The following MACROD2 variants were observed in gnomAD, a reference collection of about 807,000 sequenced individuals.
The protein encoded by MACROD2 is ADP-ribose glycohydrolase MACROD2.
Under a neutral mutation model 70.4 loss-of-function variants are expected in MACROD2, and 36 were observed. That is an observed-to-expected ratio of 0.51 (90% CI 0.39 to 0.68). The LOEUF (loss-of-function observed/expected upper bound fraction) is 0.68, where lower values mean the gene tolerates loss of function less well. Ranked by LOEUF, MACROD2 falls within the 30% of genes least tolerant of loss-of-function variation. MACROD2 has a pLI of 0.00. For synonymous variants in MACROD2, 172 were observed against 178.8 expected (o/e 0.96, Z 0.30); for missense variants, 496 against 538.4 (o/e 0.92, Z 0.78).
At chr20:14,973,544 T>C (rs931353829) in intron 5 of MACROD2, among the ~76,000 whole-genome samples, 1 of 151,916 alleles carries the variant, frequency 6.6e-6, no homozygotes, top group Non-Finnish European at 1.5e-5. Context: ...TTTTATGGAG[T>C]GGCAGAGGAA....
chr20:15,772,095 A>AT (rs1262093098), intron 8 of MACROD2, among the ~76,000 whole-genome samples: 20 of 94,292 alleles, frequency 2.1e-4, no homozygotes, highest in South Asian at 1.4e-3. Context: ...AAAAAAAAAA[A>AT]AAAAAAATAT....
intron 3 of MACROD2, among the ~76,000 whole-genome samples, chr20:14,398,341 G>C (rs2083601978): frequency 6.7e-6 from 1 of 150,300 alleles, no homozygotes; most frequent in Non-Finnish European, 1.5e-5. Context: ...TTCTATAATG[G>C]CCATACTAAT....
intron 3 of MACROD2, among the ~76,000 whole-genome samples, chr20:14,238,221 C>T (rs1340456913): frequency 6.6e-6 from 1 of 152,122 alleles, no homozygotes; most frequent in East Asian, 1.9e-4. Context: ...GGCTGTATCC[C>T]TGGGATGCAA....
rs11474711 is a variant in MACROD2, at chr20:14,786,204, TAGAG to T, written c.418+101275_418+101278del. 2.3e-3 allele frequency among the ~76,000 whole-genome samples: 312 copies of T among 135,510 alleles called. 2 individuals carry two copies. Among genetic ancestry groups the T allele is most frequent in the South Asian group, 7.6e-3 (31 of 4,058 alleles). The allele number at this position is 135,510 out of a possible 152,430, so 88.9% of individuals were successfully genotyped here. ...AGTGTTTGGTTCACTCAGAGAAAGA[TAGAG>T]AGAGAGAGAGAGAGAGAGAGAGAGA... On this transcript the variant is annotated intron_variant, in intron 5 of 17. Coordinates refer to ENST00000684519, the MANE Select transcript of MACROD2 (RefSeq NM_001351661.2).
At chr20:14,468,518 G>T (rs956498753) in intron 3 of MACROD2, among the ~76,000 whole-genome samples, 29 of 143,808 alleles carry the variant, frequency 2.0e-4, no homozygotes, top group African/African-American at 6.3e-4. Context: ...TCTTTTTTTG[G>T]GGGGGGGCGT....
chr20:14,240,801 C>T (rs1441574011), intron 3 of MACROD2, among the ~76,000 whole-genome samples: 2 of 152,126 alleles, frequency 1.3e-5, no homozygotes, highest in African/African-American at 4.8e-5. Context: ...TGCAACTTAC[C>T]TATATGATAA....
At chr20:15,412,739 A>C (rs2046095348) in intron 6 of MACROD2, among the ~76,000 whole-genome samples, 1 of 152,176 alleles carries the variant, frequency 6.6e-6, no homozygotes, top group Admixed American at 6.5e-5. Flanking sequence ...TCTTCTGGGA[A>C]TCTCAGGAAT....
intron 4 of MACROD2, among the ~76,000 whole-genome samples, chr20:14,679,424 T>C (rs1276841657): frequency 6.6e-6 from 1 of 151,846 alleles, no homozygotes; most frequent in Non-Finnish European, 1.5e-5. Flanking sequence ...AGGGAGAAAG[T>C]GTAGGAGGAT....
At chr20:14,267,811 T>C (rs6105236) in intron 3 of MACROD2, among the ~76,000 whole-genome samples, 23,792 of 151,948 alleles carry the variant, frequency 0.16, 2,183 homozygotes, top group South Asian at 0.27. Flanking sequence ...TCTTGGAAAG[T>C]GATGACATGG....
At chr20:15,326,353 A>G (rs891156000) in intron 6 of MACROD2, among the ~76,000 whole-genome samples, 7 of 152,118 alleles carry the variant, frequency 4.6e-5, no homozygotes, top group African/African-American at 1.7e-4. Context: ...GATATGTTAA[A>G]ATATATCTAA....
chr20:14,926,737 T>C (rs2074237829), intron 5 of MACROD2, among the ~76,000 whole-genome samples: 1 of 152,184 alleles, frequency 6.6e-6, no homozygotes, highest in Non-Finnish European at 1.5e-5. Context: ...ATTGACATGA[T>C]ATTTTTTCCC....
chr20:15,718,607 C>G (rs542206250), intron 8 of MACROD2, among the ~76,000 whole-genome samples: 12 of 152,114 alleles, frequency 7.9e-5, no homozygotes, highest in Admixed American at 7.2e-4. Flanking sequence ...GATCAGCAAG[C>G]CTTCCTCCTT....
At chr20:15,902,777 C>T (rs175782) in intron 10 of MACROD2, among the ~76,000 whole-genome samples, 2,340 of 152,106 alleles carry the variant, frequency 0.015, 51 homozygotes, top group African/African-American at 0.048. Context: ...GTCAGATCCT[C>T]CAGTCCCAAG....
intron 4 of MACROD2, among the ~76,000 whole-genome samples, chr20:14,512,691 G>A (rs957536668): frequency 1.3e-5 from 2 of 152,070 alleles, no homozygotes; most frequent in Non-Finnish European, 2.9e-5. Flanking sequence ...CTTGACCTGA[G>A]AGGAGATGCT....
chr20:15,667,042 A>G, intron 8 of MACROD2, among the ~76,000 whole-genome samples: 1 of 152,026 alleles, frequency 6.6e-6, no homozygotes, highest in African/African-American at 2.4e-5. Flanking sequence ...TCTATCTATC[A>G]TCTATCTGTC....
chr20:15,837,637 A>G, intron 8 of MACROD2, among the ~76,000 whole-genome samples: 1 of 152,066 alleles, frequency 6.6e-6, no homozygotes, highest in East Asian at 1.9e-4. Context: ...TTCTACCTCC[A>G]GAAACTCAAG....
intron 5 of MACROD2, among the ~76,000 whole-genome samples, chr20:15,138,176 C>T (rs1017616137): frequency 2.0e-5 from 3 of 152,074 alleles, no homozygotes; most frequent in Admixed American, 1.3e-4. Flanking sequence ...TATTAATACA[C>T]AGAAGATTCC....
At chr20:14,349,950 T>A (rs1366602494) in intron 3 of MACROD2, among the ~76,000 whole-genome samples, 1 of 151,786 alleles carries the variant, frequency 6.6e-6, no homozygotes, top group Non-Finnish European at 1.5e-5. Flanking sequence ...GGTTTCACCA[T>A]GTTGGTCAGG....
At chr20:15,422,128 G>A (rs956392431) in intron 6 of MACROD2, among the ~76,000 whole-genome samples, 1 of 152,204 alleles carries the variant, frequency 6.6e-6, no homozygotes, top group African/African-American at 2.4e-5. Flanking sequence ...AGGGGCTAAG[G>A]AAGCGAGGAT....
Sources: gnomAD v4.1 joint callset for allele counts (sites outside exome capture counted in the v4.1 genomes callset) on GRCh38, gnomAD v4.1.1 for gene constraint, MANE v1.5 for transcripts, NCBI Gene and HGNC (gene_info 2026-07-23, HGNC 2026-07-21) for gene names.